Variants in ITPR2 observed in about 807,000 individuals in gnomAD.
The protein encoded by ITPR2 is inositol 1,4,5-trisphosphate-gated calcium channel ITPR2.
A neutral mutation model predicts 317.1 loss-of-function variants in ITPR2; 207 were observed. The observed-to-expected ratio is 0.65, with a 90% CI of 0.58 to 0.73. The LOEUF (loss-of-function observed/expected upper bound fraction) is 0.73, where lower values mean the gene tolerates loss of function less well. Ranked by LOEUF, ITPR2 falls within the 30% of genes least tolerant of loss-of-function variation. ITPR2 has a pLI of 0.00. For missense variants in ITPR2, 2,613 were observed against 3,284.0 expected (o/e 0.80, Z 4.99); for synonymous variants, 1,156 against 1,149.1 (o/e 1.01, Z -0.12).
chr12:26,448,783 T>G (rs1222082478), intron 45 of ITPR2, among the ~76,000 whole-genome samples: 6 of 152,164 alleles, frequency 3.9e-5, no homozygotes, highest in Non-Finnish European at 8.8e-5. Flanking sequence ...GACACACTTG[T>G]AATTTAAATA....
At chr12:26,540,303 T>C (rs987394276) in intron 37 of ITPR2, among the ~76,000 whole-genome samples, 1 of 152,210 alleles carries the variant, frequency 6.6e-6, no homozygotes, top group Non-Finnish European at 1.5e-5. Flanking sequence ...TGATTACAAA[T>C]TAGAATGATA....
At chr12:26,749,461 T>C (rs1949380303) in intron 2 of ITPR2, among the ~76,000 whole-genome samples, 1 of 152,208 alleles carries the variant, frequency 6.6e-6, no homozygotes, top group South Asian at 2.1e-4. Flanking sequence ...AATGAAATAC[T>C]GATGTGGTCC....
intron 45 of ITPR2, among the ~76,000 whole-genome samples, chr12:26,451,141 T>C (rs951773529): frequency 6.6e-6 from 1 of 152,116 alleles, no homozygotes; most frequent in Admixed American, 6.6e-5. Flanking sequence ...TTTGAGAATC[T>C]AAAGAGAAAG....
chr12:26,750,042 CAAGAAGACCTATT>C (rs1949388693), intron 2 of ITPR2, among the ~76,000 whole-genome samples: 1 of 152,208 alleles, frequency 6.6e-6, no homozygotes, highest in Non-Finnish European at 1.5e-5. Context: ...TGGTGCAGAA[CAAGAAGACCTATT>C]TCTAACTCCT....
At chr12:26,383,383 T>C (rs1330365771) in intron 55 of ITPR2, among the ~76,000 whole-genome samples, 1 of 152,116 alleles carries the variant, frequency 6.6e-6, no homozygotes, top group Non-Finnish European at 1.5e-5. Flanking sequence ...AAATATTCCT[T>C]ACTGACATGG....
intron 34 of ITPR2, among the ~76,000 whole-genome samples, chr12:26,563,281 T>C (rs887178560): frequency 1.3e-5 from 2 of 152,144 alleles, no homozygotes; most frequent in Admixed American, 1.3e-4. Context: ...AAGTAAGAGG[T>C]AAAACGTGGG....
chr12:26,356,328 T>C (rs1938636875), intron 55 of ITPR2, among the ~76,000 whole-genome samples: 1 of 152,168 alleles, frequency 6.6e-6, no homozygotes, highest in Admixed American at 6.5e-5. Flanking sequence ...CAAGCAGATG[T>C]TACATGGTGA....
At position 26,476,545 on chromosome 12, in the gene ITPR2, T is replaced by C. The variant is rs115695947; in HGVS notation, c.6219+367A>G. Among the ~76,000 whole-genome samples, 989 of 152,316 alleles carry C rather than the reference T, an allele frequency of 6.5e-3. 18 individuals are homozygous for C. The highest frequency in any genetic ancestry group is 0.023 in the African/African-American group (945 of 41,568). ...TTTATTTTTATTTTTCAGAAAGAAG[T>C]ATAAATAAAATTTTTGAAGAGTACA... On this transcript the variant is annotated intron_variant, in intron 44 of 56. Transcript: ENST00000381340.
Position 26,655,470 on chromosome 12 carries a change from C to T in ITPR2, c.2589+238G>A, listed in dbSNP as rs368777813. Among the ~76,000 whole-genome samples the T allele has an allele frequency of 6.4e-4, 97 of 151,868 alleles. No individual in the cohort carries two copies. The East Asian group carries it at 0.013, about 20-fold the overall frequency. ...TCTACTAAAAATACAAAAAATTAGC[C>T]GGGCGTGGTGGCAGGCGCCTGTAGT... is the stretch of plus-strand genomic sequence containing the variant. On this transcript the variant is annotated intron_variant, in intron 20 of 56. Coordinates refer to ENST00000381340, the MANE Select transcript of ITPR2 (RefSeq NM_002223.4).
At chr12:26,566,332 A>G (rs1267600057) in intron 34 of ITPR2, among the ~76,000 whole-genome samples, 1 of 132,480 alleles carries the variant, frequency 7.5e-6, no homozygotes, top group Non-Finnish European at 1.6e-5. Context: ...GAGGAGAGGG[A>G]GAGGAGAAGG....
chr12:26,540,149 C>T (rs1393329974), intron 37 of ITPR2, among the ~76,000 whole-genome samples: 2 of 152,150 alleles, frequency 1.3e-5, no homozygotes, highest in African/African-American at 2.4e-5. Context: ...GCATTCTTTC[C>T]CCTTACATTA....
In ITPR2 at chr12:26,568,017, T is replaced by TA. The variant is rs1216226252; in HGVS notation, c.4631-6066dup. 2.2e-4 allele frequency among the ~76,000 whole-genome samples: 26 copies of TA among 119,004 alleles called. 1 individual carries two copies. The highest frequency in any genetic ancestry group is 7.5e-4 in the East Asian group (3 of 4,018). 78.1% of individuals were successfully genotyped at this position (119,004 alleles called of 152,430 possible). The stretch of plus-strand genomic sequence containing the variant: ...ATATATTATATATATTATATATATA[T>TA]ATATATATATATATAAAATGTCAAA... On this transcript the variant is annotated intron_variant, in intron 34 of 56. Transcript: ENST00000381340.
intron 55 of ITPR2, among the ~76,000 whole-genome samples, chr12:26,387,113 G>T (rs557365981): frequency 6.6e-6 from 1 of 152,190 alleles, no homozygotes; most frequent in Non-Finnish European, 1.5e-5. Context: ...CAGATTTCAG[G>T]AAGTGGGACA....
intron 41 of ITPR2, among the ~76,000 whole-genome samples, chr12:26,485,438 T>C (rs1173820588): frequency 6.6e-6 from 1 of 152,234 alleles, no homozygotes; most frequent in African/African-American, 2.4e-5. Context: ...GATAGGCCCA[T>C]GGGCACTGAT....
At chr12:26,637,360 C>A (rs1392750535) in intron 21 of ITPR2, among the ~76,000 whole-genome samples, 1 of 152,016 alleles carries the variant, frequency 6.6e-6, no homozygotes, top group African/African-American at 2.4e-5. Flanking sequence ...GGACAGCACA[C>A]AAAATTGCTT....
Position 26,335,416 on chromosome 12 carries a change from C to T in ITPR2, c.*3981G>A, listed in dbSNP as rs376440370. 2.0e-5 allele frequency among the ~76,000 whole-genome samples: 3 copies of T among 152,094 alleles called. No individual in the cohort carries two copies. The highest frequency in any genetic ancestry group is 7.2e-5 in the African/African-American group (3 of 41,410). On this transcript the variant is annotated 3_prime_UTR_variant, in exon 57 of 57. Coordinates refer to ENST00000381340, the MANE Select transcript of ITPR2 (RefSeq NM_002223.4). ...ATCTGCCCTTGTCATATATTGGAATCGTGTTTTTTAGGCAAATATAACAAT... is the reference window on the plus strand; with the variant it reads ...ATCTGCCCTTGTCATATATTGGAATTGTGTTTTTTAGGCAAATATAACAAT...
rs1334658207 is a variant in ITPR2, at chr12:26,487,127, A to G, written c.5495T>C (p.Leu1832Ser). ...GTCATCGTCCCTTTTTTTGTTACCT[A>G]AATCTATGGTATTAACTGTCACTGT... ...RSTVTVNTID[L>S]GNKKRDDDNE... Residue 1832 changes from leucine to serine, a missense_variant, in exon 40 of 57, where the codon TTA (leucine) becomes TCA (serine). By Grantham distance (145) the Leu-to-Ser change is moderately radical. Around this residue, in one of 9 missense-constraint regions of ITPR2, gnomAD observed 926 missense variants for 1,072.8 expected, o/e 0.86. Coordinates refer to ENST00000381340, the MANE Select transcript of ITPR2 (RefSeq NM_002223.4). 1 of 1,612,856 alleles carries G rather than the reference A, an allele frequency of 6.2e-7. No homozygotes were observed. The highest frequency in any genetic ancestry group is 1.7e-5 in the Admixed American group (1 of 59,804).
At chr12:26,594,854 T>C (rs1222425753) in intron 32 of ITPR2, among the ~76,000 whole-genome samples, 1 of 152,130 alleles carries the variant, frequency 6.6e-6, no homozygotes, top group African/African-American at 2.4e-5. Context: ...AGCAAAAACA[T>C]ATGTCAGGCA....
intron 39 of ITPR2, among the ~76,000 whole-genome samples, chr12:26,489,393 G>A (rs1942747308): frequency 6.6e-6 from 1 of 152,200 alleles, no homozygotes; most frequent in Admixed American, 6.5e-5. Flanking sequence ...TCCTAGTGGT[G>A]AGGATGGAGA....
Sources: gnomAD v4.1 joint callset for allele counts (sites outside exome capture counted in the v4.1 genomes callset) on GRCh38, gnomAD v4.1.1 for gene constraint, gnomAD v4.1.1 regional missense constraint, MANE v1.5 for transcripts, NCBI Gene and HGNC (gene_info 2026-07-23, HGNC 2026-07-21) for gene names.